Variants in ESRP1 observed in about 807,000 individuals in gnomAD.
The protein encoded by ESRP1 is epithelial splicing regulatory protein 1.
In ESRP1, 33 loss-of-function variants were observed where a neutral mutation model predicts 81.7. The observed-to-expected ratio is 0.40, with a 90% CI of 0.31 to 0.54. The LOEUF (loss-of-function observed/expected upper bound fraction) is 0.54. Among genes scored for constraint, ESRP1 ranks in the 20% least tolerant of loss-of-function variants. The pLI, the probability that ESRP1 is intolerant of heterozygous loss-of-function variation, is 0.41. For synonymous variants in ESRP1, 320 were observed against 303.3 expected (o/e 1.06, Z -0.57); for missense variants, 672 against 833.1 (o/e 0.81, Z 2.38).
At chr8:94,669,708 A>G (rs1819211273) in intron 10 of ESRP1, among the ~76,000 whole-genome samples, 1 of 151,854 alleles carries the variant, frequency 6.6e-6, no homozygotes. Context: ...TCTGCTGAAA[A>G]TACAAAAAAA....
chr8:94,659,614 G>A lies in ESRP1; in HGVS notation c.491-2658G>A, dbSNP rs543776753. On this transcript the variant is annotated intron_variant, in intron 4 of 15. Coordinates refer to ENST00000433389, the MANE Select transcript of ESRP1 (RefSeq NM_017697.4). The stretch of plus-strand genomic sequence containing the variant: ...GACATGATTAAGCTTAGTCAGGAAG[G>A]CATGTCAAAAGCTAAGGGAGGCCAA... Among the ~76,000 whole-genome samples the A allele has an allele frequency of 7.2e-4, 109 of 152,298 alleles. 1 individual carries two copies. The highest frequency in any genetic ancestry group is 2.4e-3 in the African/African-American group (99 of 41,562).
At chr8:94,701,637 G>GTC (rs1563552996) in intron 15 of ESRP1, among the ~76,000 whole-genome samples, 1 of 151,184 alleles carries the variant, frequency 6.6e-6, no homozygotes, top group Non-Finnish European at 1.5e-5. Context: ...TAGAGACAAG[G>GTC]TCTCACTATG....
chr8:94,659,610 G>A (rs1818616575), intron 4 of ESRP1, among the ~76,000 whole-genome samples: 1 of 152,154 alleles, frequency 6.6e-6, no homozygotes, highest in African/African-American at 2.4e-5. Flanking sequence ...GCTTAGTCAG[G>A]AAGGCATGTC....
intron 14 of ESRP1, among the ~76,000 whole-genome samples, chr8:94,695,150 C>A (rs997097487): frequency 2.0e-5 from 3 of 152,046 alleles, no homozygotes; most frequent in African/African-American, 7.2e-5. Context: ...ATGATAAAAT[C>A]AGTGGATGAC....
In ESRP1 at chr8:94,668,175, G is replaced by A. The variant is rs199645269; in HGVS notation, c.1158G>A (p.Ala386=). The change falls in exon 10 of 16, where the codon GCG becomes GCA. Residue 386 remains alanine (A), a synonymous_variant. Coordinates refer to ENST00000433389, the MANE Select transcript of ESRP1 (RefSeq NM_017697.4). ...LFACEEYAQN[A]LRKHKDLLGK... Reference sequence around the variant, plus strand: ...CCTGTGAGGAATATGCACAGAATGCGTTGAGGAAGCATAAAGACTTGTTGG... The same window carrying A: ...CCTGTGAGGAATATGCACAGAATGCATTGAGGAAGCATAAAGACTTGTTGG... 1.4e-3 allele frequency: 2,188 copies of A among 1,613,916 alleles called. 3 individuals carry two copies. The highest frequency in any genetic ancestry group is 1.7e-3 in the Non-Finnish European group (2,044 of 1,179,844).
chr8:94,695,528 AT>A (rs1490360206), intron 14 of ESRP1, among the ~76,000 whole-genome samples: 4 of 149,968 alleles, frequency 2.7e-5, no homozygotes, highest in Non-Finnish European at 5.9e-5. Flanking sequence ...AATATTTTGT[AT>A]TTTTTTGGTA....
chr8:94,650,372 T>C (rs1466441685), intron 4 of ESRP1, among the ~76,000 whole-genome samples: 1 of 152,186 alleles, frequency 6.6e-6, no homozygotes, highest in Non-Finnish European at 1.5e-5. Context: ...CCTTAACCCC[T>C]GACAACCACC....
chr8:94,669,833 C>T (rs1418054195), intron 10 of ESRP1, among the ~76,000 whole-genome samples: 1 of 147,906 alleles, frequency 6.8e-6, no homozygotes, highest in East Asian at 2.0e-4. Context: ...TCACGCTGCA[C>T]TCTAGCCTGG....
chr8:94,668,789 A>ATGTGTGTGTGTGTGTG (rs71303426), intron 10 of ESRP1, among the ~76,000 whole-genome samples: 41,035 of 143,710 alleles, frequency 0.29, 7,209 homozygotes, highest in East Asian at 0.52. Context: ...AGCTTTCAGC[A>ATGTGTGTGTGTGTGTG]TGTGTGTGTG....
intron 13 of ESRP1, among the ~76,000 whole-genome samples, chr8:94,684,137 G>A (rs1419248096): frequency 1.6e-5 from 2 of 124,458 alleles, no homozygotes; most frequent in African/African-American, 3.0e-5. Flanking sequence ...GTGAGCCACT[G>A]CGCACGCCTT....
At chr8:94,681,835 A>G (rs1273901659) in intron 13 of ESRP1, among the ~76,000 whole-genome samples, 3 of 151,950 alleles carry the variant, frequency 2.0e-5, no homozygotes, top group Non-Finnish European at 2.9e-5. Flanking sequence ...TCCGGAGGCC[A>G]AGGCAGAAGA....
intron 13 of ESRP1, among the ~76,000 whole-genome samples, chr8:94,678,577 C>T (rs1808735372): frequency 1.3e-5 from 2 of 152,224 alleles, no homozygotes; most frequent in African/African-American, 2.4e-5. Context: ...ACAGCATGAT[C>T]TTTTAGGTCA....
intron 15 of ESRP1, among the ~76,000 whole-genome samples, chr8:94,699,026 T>G (rs985615187): frequency 2.6e-5 from 4 of 152,204 alleles, no homozygotes; most frequent in African/African-American, 9.6e-5. Context: ...CCTGTTGATA[T>G]CCATTTTGGT....
At chr8:94,677,181 A>G (rs1296732565) in intron 12 of ESRP1, among the ~76,000 whole-genome samples, 1 of 152,156 alleles carries the variant, frequency 6.6e-6, no homozygotes, top group Admixed American at 6.5e-5. Flanking sequence ...TGTCTTATTC[A>G]TCTCCATGGA....
chr8:94,681,154 T>C (rs71532328), intron 13 of ESRP1, among the ~76,000 whole-genome samples: 24,106 of 150,286 alleles, frequency 0.16, 2,036 homozygotes, highest in East Asian at 0.21. Context: ...TGAAACCCCG[T>C]CTCTACTAAA....
chr8:94,701,382 G>C (rs1809833451), intron 15 of ESRP1, among the ~76,000 whole-genome samples: 2 of 151,866 alleles, frequency 1.3e-5, no homozygotes, highest in African/African-American at 4.8e-5. Flanking sequence ...ACACTATTCT[G>C]TCTTCTCTTG....
chr8:94,660,805 C>T lies in ESRP1; in HGVS notation c.491-1467C>T, dbSNP rs150685946. ...CAAGAATTACAGTAAGTCAACTCTG[C>T]CTGTGCCCTCAAACAGCATCACAGG... On this transcript the variant is annotated intron_variant, in intron 4 of 15. Transcript: ENST00000433389. 9.2e-5 allele frequency among the ~76,000 whole-genome samples: 14 copies of T among 151,560 alleles called. No individual in the cohort carries two copies. The East Asian group carries it at 2.7e-3, about 29-fold the overall frequency.
chr8:94,657,420 C>T (rs1818477453), intron 4 of ESRP1, among the ~76,000 whole-genome samples: 2 of 151,628 alleles, frequency 1.3e-5, no homozygotes, highest in South Asian at 4.2e-4. Context: ...TACTCGTTTT[C>T]AGTGATGCTA....
At chr8:94,668,379 A>G in intron 10 of ESRP1, 129 bp downstream of exon 10, 2 of 874,246 alleles carry the variant, frequency 2.3e-6, no homozygotes, top group Admixed American at 3.2e-5. Context: ...CTGCATGAAA[A>G]TAGTCTTGAT....
Sources: gnomAD v4.1 joint callset for allele counts (sites outside exome capture counted in the v4.1 genomes callset) on GRCh38, gnomAD v4.1.1 for gene constraint, MANE v1.5 for transcripts, NCBI Gene and HGNC (gene_info 2026-07-23, HGNC 2026-07-21) for gene names.